NUTM2B: variants seen among roughly 807,000 people sequenced by gnomAD.
NUTM2B encodes the protein NUT family member 2B.
In NUTM2B, 2 loss-of-function variants were observed where a neutral mutation model predicts 42.4. The ratio of observed to expected loss-of-function variants is 0.05; its 90% confidence interval spans 0.02 to 0.15. The LOEUF (loss-of-function observed/expected upper bound fraction) is 0.15. Among genes scored for constraint, NUTM2B ranks in the 10% least tolerant of loss-of-function variants. NUTM2B has a pLI of 1.00. For synonymous variants in NUTM2B, 18 were observed against 402.4 expected (o/e 0.04, Z 11.43); for missense variants, 58 against 952.6 (o/e 0.06, Z 12.36).
upstream of NUTM2B, among the ~76,000 whole-genome samples, chr10:79,700,856 G>A (rs1321132571): frequency 2.0e-5 from 3 of 152,330 alleles, no homozygotes; most frequent in South Asian, 2.1e-4. Context: ...GGAGGGCCCC[G>A]CTGGAGATGT....
At chr10:79,700,991 A>G (rs548896334), upstream of NUTM2B, among the ~76,000 whole-genome samples, 1,217 of 152,290 alleles carry the variant, frequency 8.0e-3, 15 homozygotes, top group African/African-American at 0.028. Context: ...ATTTTCGGTA[A>G]TACAAACCTG....
chr10:79,696,770 G>T, the NUTM2B span, among the ~76,000 whole-genome samples: 7 of 152,238 alleles, frequency 4.6e-5, no homozygotes, highest in Non-Finnish European at 8.8e-5. Flanking sequence ...ATAGGCACTA[G>T]CATGTGCAGC....
chr10:79,700,317 C>G (rs1237102800), upstream of NUTM2B, among the ~76,000 whole-genome samples: 1 of 151,912 alleles, frequency 6.6e-6, no homozygotes, highest in Non-Finnish European at 1.5e-5. Flanking sequence ...GGAGCTACTT[C>G]TTTGCTGAAC....
chr10:79,700,887 C>G (rs959752289), upstream of NUTM2B, among the ~76,000 whole-genome samples: 1 of 152,216 alleles, frequency 6.6e-6, no homozygotes, highest in Admixed American at 6.5e-5. Flanking sequence ...GGACGCGGCA[C>G]CTGGGTGCTT....
At chr10:79,699,896 A>G, upstream of NUTM2B, among the ~76,000 whole-genome samples, 1 of 152,226 alleles carries the variant, frequency 6.6e-6, no homozygotes, top group East Asian at 1.9e-4. Context: ...CCACCCGCAC[A>G]AATCTCACAC....
the NUTM2B span, among the ~76,000 whole-genome samples, chr10:79,696,522 G>C: frequency 3.3e-5 from 5 of 151,402 alleles, no homozygotes; most frequent in African/African-American, 1.2e-4. Flanking sequence ...GATAGGATAG[G>C]GTGGCCATAG....
upstream of NUTM2B, among the ~76,000 whole-genome samples, chr10:79,700,199 T>C (rs533248601): frequency 0.028 from 4,253 of 152,304 alleles, 31 homozygotes; most frequent in Non-Finnish European, 0.042. Context: ...CAGTGACAAA[T>C]CAGCGTATTA....
the NUTM2B span, among the ~76,000 whole-genome samples, chr10:79,698,037 C>T: frequency 6.6e-5 from 10 of 151,404 alleles, no homozygotes; most frequent in Admixed American, 1.3e-4. Flanking sequence ...CCAAATTCTG[C>T]GAGTATTACA....
rs1436911668 is a variant in NUTM2B, at chr10:79,709,733, G to A, written c.1212-67G>A. 99 of 512,278 alleles carry A rather than the reference G, an allele frequency of 1.9e-4. 1 individual carries two copies. The highest frequency in any genetic ancestry group is 2.8e-4 in the South Asian group (10 of 35,844). The allele number at this position is 512,278 out of a possible 1,614,324, so 31.7% of individuals were successfully genotyped here. A position where few individuals can be genotyped will look rare whatever the true frequency, so the allele number is the denominator to read the frequency against. Reference sequence around the variant, plus strand: ...CTCCCTCCTATCCCTGCCCTCGGCCGCTGCCTGGTCCTGCGGGGAGGGGGC... The same window carrying A: ...CTCCCTCCTATCCCTGCCCTCGGCCACTGCCTGGTCCTGCGGGGAGGGGGC... On this transcript the variant is annotated intron_variant, in intron 3 of 6. Transcript: ENST00000429828.
At chr10:79,697,757 G>A in the NUTM2B span, among the ~76,000 whole-genome samples, 38 of 139,218 alleles carry the variant, frequency 2.7e-4, 1 homozygote, top group African/African-American at 9.7e-4. Flanking sequence ...AAATCACAAG[G>A]TATACAACAC....
At chr10:79,700,520 C>T (rs562664325), upstream of NUTM2B, among the ~76,000 whole-genome samples, 229 of 152,372 alleles carry the variant, frequency 1.5e-3, no homozygotes, top group African/African-American at 4.6e-3. Context: ...AAGCTATGAA[C>T]GCTCCCGCCT....
exon 7 of NUTM2B, chr10:79,712,603 TGGAGG>T (rs2047267147): frequency 4.0e-5 from 12 of 302,628 alleles, no homozygotes; most frequent in South Asian, 3.0e-4. Context: ...GCCTTAGCTT[TGGAGG>T]GTAGGGGAGG....
upstream of NUTM2B, among the ~76,000 whole-genome samples, chr10:79,701,181 T>C (rs2132237739): frequency 6.6e-6 from 1 of 152,312 alleles, no homozygotes; most frequent in African/African-American, 2.4e-5. Context: ...GGAGGTTCCA[T>C]TAAAGAGTAT....
Position 79,705,114 on chromosome 10 carries a change from A to G in NUTM2B, c.383-928A>G, listed in dbSNP as rs1181954267. Among the ~76,000 whole-genome samples the G allele has an allele frequency of 1.0e-4, 13 of 128,426 alleles. 2 individuals are homozygous for G. Among genetic ancestry groups the G allele is most frequent in the African/African-American group, 3.2e-4 (11 of 34,514 alleles). The allele number at this position is 128,426 out of a possible 152,430, so 84.3% of individuals were successfully genotyped here. A position where few individuals can be genotyped will look rare whatever the true frequency, so the allele number is the denominator to read the frequency against. ...TGGTTTTTGGTTGGTCACTATGTTC[A>G]GTTATTAGGAGCTCAAAGGAGAAGG... is the stretch of plus-strand genomic sequence containing the variant. On this transcript the variant is annotated intron_variant, in intron 1 of 6. Coordinates refer to ENST00000429828, the Ensembl canonical transcript of NUTM2B.
the NUTM2B span, among the ~76,000 whole-genome samples, chr10:79,692,948 G>A: frequency 6.6e-6 from 1 of 152,178 alleles, no homozygotes; most frequent in Non-Finnish European, 1.5e-5. Flanking sequence ...CATTCCCCCA[G>A]TGTTCCCTAC....
At chr10:79,696,834 C>G in the NUTM2B span, among the ~76,000 whole-genome samples, 24 of 151,524 alleles carry the variant, frequency 1.6e-4, no homozygotes, top group Non-Finnish European at 2.9e-5. Context: ...CAGTGACACC[C>G]CTTCCCACCC....
At chr10:79,711,557 GCAGAGCCA>G (rs1840496490) in intron 6 of NUTM2B, 135 bp from the exon 7 acceptor site, 1 of 815,256 alleles carries the variant, frequency 1.2e-6, no homozygotes, top group Non-Finnish European at 1.9e-6. Context: ...GGGAGGCCCG[GCAGAGCCA>G]CACCCTCTCT....
chr10:79,700,901 G>A, upstream of NUTM2B, among the ~76,000 whole-genome samples: 1 of 152,176 alleles, frequency 6.6e-6, no homozygotes, highest in East Asian at 1.9e-4. Context: ...GGTGCTTCCT[G>A]GGGCCAGACA....
At chr10:79,698,178 A>ACC in the NUTM2B span, among the ~76,000 whole-genome samples, 7 of 132,480 alleles carry the variant, frequency 5.3e-5, no homozygotes, top group African/African-American at 8.9e-5. Flanking sequence ...AAAAAAAAAA[A>ACC]CCACAAAAAC....
Sources: allele counts gnomAD v4.1 joint callset (sites outside exome capture counted in the v4.1 genomes callset), GRCh38; gene constraint gnomAD v4.1.1; transcripts MANE v1.5; gene names NCBI Gene and HGNC (gene_info 2026-07-23, HGNC 2026-07-21).